The following ZBED3 variants were observed in gnomAD, a reference collection of about 807,000 sequenced individuals.
ZBED3 encodes zinc finger BED-type containing 3.
For missense variants in ZBED3, 388 were observed against 362.9 expected (o/e 1.07, Z -0.56); for synonymous variants, 175 against 180.0 (o/e 0.97, Z 0.22).
chr5:77,083,777 C>G (rs1273863589), intron 1 of ZBED3, among the ~76,000 whole-genome samples: 1 of 152,140 alleles, frequency 6.6e-6, no homozygotes, highest in Non-Finnish European at 1.5e-5. Context: ...AAAAGAGTAA[C>G]AGATCCAAGA....
chr5:77,077,614 A>G lies in ZBED3; in HGVS notation c.265T>C (p.Leu89=). 1.4e-6 allele frequency: 2 copies of G among 1,407,030 alleles called. No homozygotes were observed. The highest frequency in any genetic ancestry group is 1.9e-6 in the Non-Finnish European group (2 of 1,079,824). 87.2% of individuals were successfully genotyped at this position (1,407,030 alleles called of 1,614,324 possible). A position where few individuals can be genotyped will look rare whatever the true frequency, so the allele number is the denominator to read the frequency against. Residue 89 remains leucine (L), a synonymous_variant, in exon 3 of 3, where the codon TTG becomes CTG. Coordinates refer to ENST00000255198, the MANE Select transcript of ZBED3 (RefSeq NM_032367.4). ...TGCGCGCTCCTCAGGTGCCTCCACA[A>G]CGCCGAGGTCCCCGCGTGGAAGCCC... ...GPGFHAGTSA[L]WRHLRSAHRR... is the part of the protein sequence containing the mutation.
At position 77,075,965 on chromosome 5, in the gene ZBED3, ATGTATATGTATATATG is replaced by A. The variant is rs1301029346; in HGVS notation, c.*1193_*1208del. The stretch of plus-strand genomic sequence containing the variant: ...TATACATATATATATATATATATAT[ATGTATATGTATATATG>A]TATATATATATGTATATATGTATAT... On this transcript the variant is annotated 3_prime_UTR_variant, in exon 3 of 3. Transcript: ENST00000255198. 0.066 allele frequency: 1,977 copies of A among 29,986 alleles called. 506 individuals carry two copies. Among genetic ancestry groups the A allele is most frequent in the African/African-American group, 0.08 (545 of 6,800 alleles). The allele number at this position is 29,986 out of a possible 1,614,324, so 1.9% of individuals were successfully genotyped here. A position where few individuals can be genotyped will look rare whatever the true frequency, so the allele number is the denominator to read the frequency against.
chr5:77,086,334 T>G (rs1376667321), intron 1 of ZBED3, among the ~76,000 whole-genome samples: 1 of 152,182 alleles, frequency 6.6e-6, no homozygotes, highest in Non-Finnish European at 1.5e-5. Context: ...TCTACTTTTT[T>G]TTTTATTCTT....
Position 77,077,640 on chromosome 5 carries a change from G to T in ZBED3, c.239C>A (p.Pro80Gln). The T allele has an allele frequency of 7.1e-7, 1 of 1,410,756 alleles. No homozygotes were observed. The highest frequency in any genetic ancestry group is 1.5e-5 in the South Asian group (1 of 68,222). The allele number at this position is 1,410,756 out of a possible 1,614,324, so 87.4% of individuals were successfully genotyped here. A position where few individuals can be genotyped will look rare whatever the true frequency, so the allele number is the denominator to read the frequency against. ...RLCGEQVGRG[P>Q]GFHAGTSALW... ...CGCCGAGGTCCCCGCGTGGAAGCCCGGGCCGCGGCCCACCTGCTCCCCGCA... is the reference window on the plus strand; with the variant it reads ...CGCCGAGGTCCCCGCGTGGAAGCCCTGGCCGCGGCCCACCTGCTCCCCGCA... Residue 80 changes from proline to glutamine, a missense_variant, in exon 3 of 3, where the codon CCG becomes CAG. Physicochemically the swap from Pro to Gln is moderately conservative, Grantham distance 76. Coordinates refer to ENST00000255198, the MANE Select transcript of ZBED3 (RefSeq NM_032367.4).
Position 77,077,231 on chromosome 5 carries a change from G to A in ZBED3, c.648C>T (p.Leu216=). 3 of 1,489,926 alleles carry A rather than the reference G, an allele frequency of 2.0e-6. No homozygotes were observed. Among genetic ancestry groups the A allele is most frequent in the Non-Finnish European group, 2.7e-6 (3 of 1,125,416 alleles). 92.3% of individuals were successfully genotyped at this position (1,489,926 alleles called of 1,614,324 possible). The change falls in exon 3 of 3, where the codon CTC becomes CTT. Residue 216 remains leucine (L), a synonymous_variant. Transcript: ENST00000255198. Reference sequence around the variant, plus strand: ...CCCTGTCACCCTCGGGGTCGTCCTTGAGCGGCGGCGGCGCAGCGGGGGCCC... The same window carrying A: ...CCCTGTCACCCTCGGGGTCGTCCTTAAGCGGCGGCGGCGCAGCGGGGGCCC... The part of the protein sequence containing the change: ...LGWAPAAPPP[L]KDDPEGDRDG...
chr5:77,080,605 C>T (rs767339574), intron 1 of ZBED3: 5 of 519,182 alleles, frequency 9.6e-6, no homozygotes, highest in Admixed American at 7.8e-5. Context: ...CAATACAATC[C>T]TCAGTCTCAG....
At chr5:77,085,314 C>T (rs1468748887) in intron 1 of ZBED3, among the ~76,000 whole-genome samples, 1 of 152,078 alleles carries the variant, frequency 6.6e-6, no homozygotes, top group East Asian at 1.9e-4. Context: ...TATTGAGACT[C>T]ATCCTATAAA....
At chr5:77,083,117 G>A (rs7713931) in intron 1 of ZBED3, among the ~76,000 whole-genome samples, 36,642 of 152,102 alleles carry the variant, frequency 0.24, 4,739 homozygotes, top group African/African-American at 0.33. Flanking sequence ...AGCCTGGGTA[G>A]TAAGAGCGAA....
intron 1 of ZBED3, among the ~76,000 whole-genome samples, chr5:77,084,757 C>T (rs557772684): frequency 1.3e-5 from 2 of 152,284 alleles, no homozygotes; most frequent in Admixed American, 6.5e-5. Flanking sequence ...CCTCCCATGC[C>T]CCACAGGGCA....
chr5:77,085,759 T>C (rs1743225237), intron 1 of ZBED3, among the ~76,000 whole-genome samples: 1 of 152,214 alleles, frequency 6.6e-6, no homozygotes, highest in Non-Finnish European at 1.5e-5. Flanking sequence ...TATTAATCTA[T>C]TTATAAAGAG....
Position 77,077,791 on chromosome 5 carries a change from C to T in ZBED3, c.88G>A (p.Gly30Arg), listed in dbSNP as rs1743054632. ...AARGGQCPGL[G>R]PAPTPTPPGR... Reference sequence around the variant, plus strand: ...GGAGGCGTCGGCGTCGGCGCCGGCCCCAGTCCCGGACACTGACCGCCCCGC... The same window carrying T: ...GGAGGCGTCGGCGTCGGCGCCGGCCTCAGTCCCGGACACTGACCGCCCCGC... Residue 30 changes from glycine (G) to arginine (R), a missense_variant, in exon 3 of 3, where the codon GGG becomes AGG. Coordinates refer to ENST00000255198, the MANE Select transcript of ZBED3 (RefSeq NM_032367.4). 1 of 1,317,810 alleles carries T rather than the reference C, an allele frequency of 7.6e-7. No homozygotes were observed. Among genetic ancestry groups the T allele is most frequent in the Non-Finnish European group, 9.6e-7 (1 of 1,038,502 alleles). 81.6% of individuals were successfully genotyped at this position (1,317,810 alleles called of 1,614,324 possible).
intron 1 of ZBED3, chr5:77,079,480 T>G (rs182644096): frequency 1.3e-5 from 2 of 152,274 alleles, no homozygotes; most frequent in Admixed American, 6.5e-5. Context: ...TTGTTGCAGA[T>G]GCACTGTACT....
intron 1 of ZBED3, chr5:77,080,695 A>G: frequency 2.1e-6 from 1 of 471,878 alleles, no homozygotes; most frequent in South Asian, 1.5e-5. Context: ...AAGGACAGAA[A>G]ACCAAACACC....
chr5:77,073,405 A>G lies in ZBED3; in HGVS notation c.*3769T>C, dbSNP rs1742919246. On this transcript the variant is annotated 3_prime_UTR_variant, in exon 3 of 3. Coordinates refer to ENST00000255198, the MANE Select transcript of ZBED3 (RefSeq NM_032367.4). ...TTTATAAATCCATATGAAGAAGTTA[A>G]GTTCCAATACTTGAAAATAACTTAG... The G allele has an allele frequency of 6.6e-6, 1 of 152,234 alleles. No homozygotes were observed. The highest frequency in any genetic ancestry group is 6.5e-5 in the Admixed American group (1 of 15,288). 9.4% of individuals were successfully genotyped at this position (152,234 alleles called of 1,614,324 possible). A position where few individuals can be genotyped will look rare whatever the true frequency, so the allele number is the denominator to read the frequency against.
rs1456244447 is a variant in ZBED3, at chr5:77,077,181, A to G, written c.698T>C (p.Leu233Pro). ...DRDGCVITKV[L>P]L is the part of the protein sequence containing the mutation. ...GGGGAAGTGGCCACACCCCTACAGG[A>G]GGACCTTTGTGATGACGCAGCCGTC... Residue 233 changes from leucine (L) to proline (P), a missense_variant, in exon 3 of 3, where the codon CTC (leucine) becomes CCC (proline). Physicochemically the swap from Leu to Pro is moderately conservative, Grantham distance 98. Coordinates refer to ENST00000255198, the MANE Select transcript of ZBED3 (RefSeq NM_032367.4). 2.7e-6 allele frequency: 4 copies of G among 1,486,576 alleles called. No homozygotes were observed. The highest frequency in any genetic ancestry group is 5.6e-5 in the East Asian group (2 of 35,820). The allele number at this position is 1,486,576 out of a possible 1,614,324, so 92.1% of individuals were successfully genotyped here.
chr5:77,073,466 T>C lies in ZBED3; in HGVS notation c.*3708A>G, dbSNP rs1157421270. 2.0e-5 allele frequency: 3 copies of C among 152,176 alleles called. 1 individual carries two copies. Among genetic ancestry groups the C allele is most frequent in the East Asian group, 3.8e-4 (2 of 5,202 alleles). 9.4% of individuals were successfully genotyped at this position (152,176 alleles called of 1,614,324 possible). ...AAATTGCAAAAGACAAAAGAAAATA[T>C]ATTAAAATGTTAATTAATAGCAGTT... is the stretch of plus-strand genomic sequence containing the variant. On this transcript the variant is annotated 3_prime_UTR_variant, in exon 3 of 3. Coordinates refer to ENST00000255198, the MANE Select transcript of ZBED3 (RefSeq NM_032367.4).
rs367997546 is a variant in ZBED3 at position 77,076,001 on chromosome 5, GTA to G, written c.*1171_*1172del. 1,207 of 32,076 alleles carry G rather than the reference GTA, an allele frequency of 0.038. 354 individuals carry two copies. The highest frequency in any genetic ancestry group is 0.066 in the Admixed American group (185 of 2,794). 2.0% of individuals were successfully genotyped at this position (32,076 alleles called of 1,614,324 possible). ...TATATGTATATATATATGTATATAT[GTA>G]TATATATATGTATATATGTATATAT... On this transcript the variant is annotated 3_prime_UTR_variant, in exon 3 of 3. Transcript: ENST00000255198.
intron 1 of ZBED3, among the ~76,000 whole-genome samples, chr5:77,084,738 A>G (rs1056949951): frequency 6.6e-6 from 1 of 152,152 alleles, no homozygotes; most frequent in African/African-American, 2.4e-5. Context: ...GCAGTTCAGC[A>G]TCCCTTCCCC....
intron 1 of ZBED3, among the ~76,000 whole-genome samples, chr5:77,083,475 C>T (rs749887421): frequency 8.5e-5 from 13 of 152,252 alleles, no homozygotes; most frequent in East Asian, 7.7e-4. Context: ...CCAGCCCACC[C>T]GAGTCTCAAT....
Sources: gnomAD v4.1 joint callset for allele counts (sites outside exome capture counted in the v4.1 genomes callset) on GRCh38, gnomAD v4.1.1 for gene constraint, MANE v1.5 for transcripts, NCBI Gene and HGNC (gene_info 2026-07-23, HGNC 2026-07-21) for gene names.